Variants in TMEM266 observed in about 807,000 individuals in gnomAD.
TMEM266 encodes transmembrane protein 266.
TMEM266 carries 33 observed loss-of-function variants against 50.5 expected under a neutral mutation model. The ratio of observed to expected loss-of-function variants is 0.65; its 90% CI spans 0.50 to 0.87. TMEM266 has a LOEUF of 0.87. Ranked by LOEUF, TMEM266 falls within the 40% of genes least tolerant of loss-of-function variation. The probability of loss-of-function intolerance (pLI) is 0.00; values close to 1 mark genes in which losing one functional copy is unlikely to be tolerated. For synonymous variants in TMEM266, 310 were observed against 292.3 expected, an observed-to-expected ratio of 1.06 and a Z score of -0.62; for missense variants, 655 against 695.1, an observed-to-expected ratio of 0.94 and a Z score of 0.65.
chr15:76,098,915 C>T (rs966758293), intron 1 of TMEM266, among the ~76,000 whole-genome samples: 11 of 152,102 alleles, frequency 7.2e-5, no homozygotes, highest in African/African-American at 2.4e-4. Flanking sequence ...CAATGGTGGT[C>T]GCCCCTCCCC....
rs944584544 is a variant in TMEM266, at chr15:76,116,810, G to A, written c.-96-17358G>A. On this transcript the variant is annotated intron_variant, in intron 1 of 10. Transcript: ENST00000388942. ...TATTATGTTACAGACAACTTTTCAC[G>A]TTAATGAAAATAGCACATCCTCATC... Among the ~76,000 whole-genome samples the A allele has an allele frequency of 4.6e-5, 7 of 151,524 alleles. No individual in the cohort carries two copies. In the East Asian group the frequency reaches 7.7e-4, roughly 17 times the overall value.
At chr15:76,175,923 ACT>A (rs1298179274) in intron 8 of TMEM266, 2 of 360,752 alleles carry the variant, frequency 5.5e-6, no homozygotes, top group African/African-American at 2.1e-5. Context: ...TAGCACGGTG[ACT>A]CTTCAGCTCC....
At chr15:76,159,206 T>C (rs2037975793) in intron 4 of TMEM266, among the ~76,000 whole-genome samples, 1 of 152,146 alleles carries the variant, frequency 6.6e-6, no homozygotes, top group African/African-American at 2.4e-5. Context: ...GGGCAATCCC[T>C]CCCACCCAGT....
chr15:76,097,003 G>A (rs906841418), intron 1 of TMEM266, among the ~76,000 whole-genome samples: 11 of 138,954 alleles, frequency 7.9e-5, no homozygotes, highest in South Asian at 2.3e-4. Flanking sequence ...GAGCCTATGT[G>A]TGTCTTTGCA....
chr15:76,116,172 C>T (rs2037243428), intron 1 of TMEM266, among the ~76,000 whole-genome samples: 1 of 152,180 alleles, frequency 6.6e-6, no homozygotes, highest in Non-Finnish European at 1.5e-5. Flanking sequence ...ACTGTGCCAG[C>T]CAGCCTGGGA....
At chr15:76,171,289 G>A (rs567907493) in intron 7 of TMEM266, among the ~76,000 whole-genome samples, 158 bp downstream of exon 7, 4 of 152,298 alleles carry the variant, frequency 2.6e-5, no homozygotes, top group African/African-American at 9.6e-5. Flanking sequence ...CTGCTCACTC[G>A]CCATCACGCG....
chr15:76,169,419 A>T (rs2038152214), intron 5 of TMEM266, among the ~76,000 whole-genome samples: 3 of 152,132 alleles, frequency 2.0e-5, no homozygotes, highest in African/African-American at 7.2e-5. Flanking sequence ...GTATATTTGA[A>T]GATTCGTAAG....
intron 1 of TMEM266, among the ~76,000 whole-genome samples, chr15:76,064,536 C>T (rs1336210880): frequency 6.6e-6 from 1 of 152,168 alleles, no homozygotes; most frequent in Non-Finnish European, 1.5e-5. Flanking sequence ...GGAAAGAAGC[C>T]TGGGAGAAAC....
chr15:76,198,343 T>C (rs1335387474), intron 9 of TMEM266, among the ~76,000 whole-genome samples: 2 of 152,072 alleles, frequency 1.3e-5, no homozygotes, highest in African/African-American at 4.8e-5. Flanking sequence ...TTCCTGTGTG[T>C]CTCTAGGACT....
chr15:76,084,033 G>A (rs1054302240), intron 1 of TMEM266, among the ~76,000 whole-genome samples: 3 of 152,172 alleles, frequency 2.0e-5, no homozygotes, highest in African/African-American at 7.2e-5. Context: ...GCAGCCGGGC[G>A]TGTGGTCGCT....
At chr15:76,085,704 C>T (rs1158101764) in intron 1 of TMEM266, among the ~76,000 whole-genome samples, 1 of 152,128 alleles carries the variant, frequency 6.6e-6, no homozygotes, top group Non-Finnish European at 1.5e-5. Flanking sequence ...AGTTCTACTC[C>T]TAGGTATTTA....
intron 1 of TMEM266, among the ~76,000 whole-genome samples, chr15:76,130,730 A>G (rs2959866): frequency 0.42 from 64,566 of 152,096 alleles, 15,206 homozygotes; most frequent in East Asian, 0.65. Flanking sequence ...CCCATGAGTT[A>G]ATAACGTTGA....
chr15:76,071,902 T>G (rs1266157303), intron 1 of TMEM266, among the ~76,000 whole-genome samples: 1 of 151,564 alleles, frequency 6.6e-6, no homozygotes, highest in East Asian at 1.9e-4. Context: ...TTAGACCAGA[T>G]TCGGCATTTT....
At chr15:76,138,996 C>T (rs1459451830) in intron 3 of TMEM266, among the ~76,000 whole-genome samples, 5 of 152,126 alleles carry the variant, frequency 3.3e-5, no homozygotes, top group Admixed American at 6.5e-5. Flanking sequence ...ATCAGACTTC[C>T]GACTCTGACA....
Position 76,204,636 on chromosome 15 carries a change from G to C in TMEM266, c.*321G>C, listed in dbSNP as rs1814764. Reference sequence around the variant, plus strand: ...TGTGGGGGGGCCAGCTCAGCCTCTTGCGTTGCCTTCGTTCCTGACGCCCAC... The same window carrying C: ...TGTGGGGGGGCCAGCTCAGCCTCTTCCGTTGCCTTCGTTCCTGACGCCCAC... On this transcript the variant is annotated 3_prime_UTR_variant, in exon 11 of 11. Coordinates refer to ENST00000388942, the MANE Select transcript of TMEM266 (RefSeq NM_152335.3). 0.98 allele frequency: 204,900 copies of C among 208,384 alleles called. 100,833 individuals carry two copies. Among genetic ancestry groups the C allele is most frequent in the East Asian group, 1 (9,117 of 9,118 alleles). The allele number at this position is 208,384 out of a possible 1,614,324, so 12.9% of individuals were successfully genotyped here. A position where few individuals can be genotyped will look rare whatever the true frequency, so the allele number is the denominator to read the frequency against.
intron 1 of TMEM266, among the ~76,000 whole-genome samples, chr15:76,117,411 G>A (rs1288337506): frequency 1.3e-5 from 2 of 151,920 alleles, no homozygotes; most frequent in South Asian, 2.1e-4. Flanking sequence ...TTATTTACAC[G>A]TGGCAAAACT....
Position 76,204,707 on chromosome 15 carries a change from C to T in TMEM266, c.*392C>T, listed in dbSNP as rs2038810615. 1 of 162,902 alleles carries T rather than the reference C, an allele frequency of 6.1e-6. No homozygotes were observed. Among genetic ancestry groups the T allele is most frequent in the Admixed American group, 6.1e-5 (1 of 16,510 alleles). The allele number at this position is 162,902 out of a possible 1,614,324, so 10.1% of individuals were successfully genotyped here. On this transcript the variant is annotated 3_prime_UTR_variant, in exon 11 of 11. Coordinates refer to ENST00000388942, the MANE Select transcript of TMEM266 (RefSeq NM_152335.3). ...ACTGTGAGCAGGGGCTGTCCAGCCC[C>T]ACCCCTAAGCCGTCTTTCCCAGGAA... is the stretch of plus-strand genomic sequence containing the variant.
At chr15:76,084,941 ATTTTCT>A (rs768435498) in intron 1 of TMEM266, among the ~76,000 whole-genome samples, 48 of 146,166 alleles carry the variant, frequency 3.3e-4, no homozygotes, top group Non-Finnish European at 5.7e-4. Context: ...TCAGATTTGC[ATTTTCT>A]TTTTCTTTTT....
chr15:76,183,102 G>GTTTTT, intron 8 of TMEM266, among the ~76,000 whole-genome samples: 5 of 65,784 alleles, frequency 7.6e-5, no homozygotes, highest in Admixed American at 2.5e-4. Context: ...CCATTTTGTG[G>GTTTTT]CTTTTTTTTT....
Sources: allele counts gnomAD v4.1 joint callset (sites outside exome capture counted in the v4.1 genomes callset), GRCh38; gene constraint gnomAD v4.1.1; transcripts MANE v1.5; gene names NCBI Gene and HGNC (gene_info 2026-07-23, HGNC 2026-07-21).